Variants in KATNIP observed in about 807,000 individuals in gnomAD.
KATNIP encodes the protein katanin interacting protein.
Under a neutral mutation model 174.0 loss-of-function variants are expected in KATNIP, and 126 were observed. The observed-to-expected ratio is 0.72, with a 90% CI of 0.63 to 0.84. The LOEUF (loss-of-function observed/expected upper bound fraction) is 0.84. Among genes scored for constraint, KATNIP ranks in the 40% least tolerant of loss-of-function variants. KATNIP has a pLI of 0.00. For missense variants in KATNIP, 1,958 were observed against 2,109.7 expected (o/e 0.93, Z 1.41); for synonymous variants, 810 against 835.7 (o/e 0.97, Z 0.53).
intron 6 of KATNIP, among the ~76,000 whole-genome samples, chr16:27,648,945 G>C (rs74965628): frequency 6.6e-6 from 1 of 152,238 alleles, no homozygotes; most frequent in African/African-American, 2.4e-5. Context: ...ACCAGGGGTC[G>C]GTGAGGCTGG....
At chr16:27,598,496 T>C (rs573248967) in intron 2 of KATNIP, among the ~76,000 whole-genome samples, 2 of 152,304 alleles carry the variant, frequency 1.3e-5, no homozygotes, top group African/African-American at 4.8e-5. Flanking sequence ...TTAAGGGCCT[T>C]ATGTCACATG....
chr16:27,578,435 G>A (rs972983135), intron 2 of KATNIP, among the ~76,000 whole-genome samples: 5 of 151,962 alleles, frequency 3.3e-5, no homozygotes, highest in Non-Finnish European at 7.4e-5. Context: ...GTTCTCCACC[G>A]CTGCCACAGA....
chr16:27,674,010 G>A (rs9923875), intron 6 of KATNIP, among the ~76,000 whole-genome samples: 21,848 of 152,162 alleles, frequency 0.14, 1,629 homozygotes, highest in Middle Eastern at 0.19. Context: ...GGGTATCTGG[G>A]TGTGGTGGCT....
chr16:27,752,106 T>C (rs1040938690), intron 17 of KATNIP, among the ~76,000 whole-genome samples, 182 bp downstream of exon 17: 2 of 152,230 alleles, frequency 1.3e-5, no homozygotes, highest in African/African-American at 2.4e-5. Context: ...TCTAATTATT[T>C]TTATTTTTTT....
chr16:27,616,236 G>A (rs1192809575), intron 2 of KATNIP, among the ~76,000 whole-genome samples: 1 of 152,148 alleles, frequency 6.6e-6, no homozygotes, highest in African/African-American at 2.4e-5. Context: ...GCTGGGTGTG[G>A]TGGCACAAAC....
chr16:27,742,336 G>T, intron 15 of KATNIP, among the ~76,000 whole-genome samples: 1 of 152,298 alleles, frequency 6.6e-6, no homozygotes, highest in East Asian at 1.9e-4. Flanking sequence ...CACCCAGTGT[G>T]GCAAGGAAAG....
chr16:27,563,416 G>A (rs2089963705), intron 1 of KATNIP, among the ~76,000 whole-genome samples: 1 of 152,182 alleles, frequency 6.6e-6, no homozygotes, highest in Non-Finnish European at 1.5e-5. Flanking sequence ...CTGTGCAGGA[G>A]TCCACTTGGG....
intron 6 of KATNIP, among the ~76,000 whole-genome samples, chr16:27,665,947 A>G (rs949538765): frequency 6.6e-6 from 1 of 152,056 alleles, no homozygotes; most frequent in South Asian, 2.1e-4. Context: ...TTAGTTCTTT[A>G]TGGATGTGAT....
At chr16:27,691,077 A>C (rs1000401565) in intron 8 of KATNIP, among the ~76,000 whole-genome samples, 1 of 152,038 alleles carries the variant, frequency 6.6e-6, no homozygotes, top group East Asian at 1.9e-4. Flanking sequence ...TTGTCCTTAA[A>C]TTTCATATTC....
intron 8 of KATNIP, among the ~76,000 whole-genome samples, chr16:27,697,767 T>C (rs2078965697): frequency 6.6e-6 from 1 of 152,034 alleles, no homozygotes; most frequent in African/African-American, 2.4e-5. Flanking sequence ...CAGACATCAT[T>C]CCCCTTTACC....
chr16:27,613,946 T>C (rs2075969694), intron 2 of KATNIP, among the ~76,000 whole-genome samples: 1 of 152,136 alleles, frequency 6.6e-6, no homozygotes, highest in South Asian at 2.1e-4. Flanking sequence ...AGACAGGGTC[T>C]CACCCTGTTG....
intron 12 of KATNIP, among the ~76,000 whole-genome samples, chr16:27,706,999 C>T (rs2079335313): frequency 6.6e-6 from 1 of 152,176 alleles, no homozygotes; most frequent in Non-Finnish European, 1.5e-5. Context: ...CTGTGGGTTT[C>T]GAGGGCCCAG....
chr16:27,640,007 C>T (rs1242684854), intron 5 of KATNIP, among the ~76,000 whole-genome samples: 9 of 152,206 alleles, frequency 5.9e-5, no homozygotes, highest in Admixed American at 5.9e-4. Flanking sequence ...GGGCAGCCCC[C>T]AGCCTTGCTC....
rs1214553984 is a variant in KATNIP at position 27,596,789 on chromosome 16, G to A, written c.64-21636G>A. ...TGTAATCTCAGCACTTTGGGAGGCC[G>A]AGGCAGGTGGATCACTTGATGTCAG... On this transcript the variant is annotated intron_variant, in intron 2 of 27. Transcript: ENST00000261588. 4.6e-5 allele frequency among the ~76,000 whole-genome samples: 7 copies of A among 152,150 alleles called. No individual in the cohort carries two copies. In the South Asian group the frequency reaches 6.2e-4, roughly 13 times the overall value.
intron 6 of KATNIP, among the ~76,000 whole-genome samples, chr16:27,651,400 G>A (rs2077116721): frequency 6.6e-6 from 1 of 151,632 alleles, no homozygotes; most frequent in African/African-American, 2.4e-5. Flanking sequence ...TTCAGCAAAG[G>A]CAGAAGTCTT....
chr16:27,660,910 GTC>G (rs1331129696), intron 6 of KATNIP, among the ~76,000 whole-genome samples: 1 of 152,176 alleles, frequency 6.6e-6, no homozygotes, highest in Non-Finnish European at 1.5e-5. Context: ...TGCCTGCTGT[GTC>G]TCTTGTCCCT....
chr16:27,676,567 T>C (rs1355542850), intron 6 of KATNIP, among the ~76,000 whole-genome samples: 2 of 152,202 alleles, frequency 1.3e-5, no homozygotes, highest in East Asian at 1.9e-4. Context: ...AAAGCTTTAT[T>C]GATTGCTTCC....
chr16:27,700,989 T>C (rs1313669680), intron 10 of KATNIP, among the ~76,000 whole-genome samples: 1 of 152,024 alleles, frequency 6.6e-6, no homozygotes, highest in Non-Finnish European at 1.5e-5. Context: ...CGTCTGCAGA[T>C]GGACAGCAGG....
intron 1 of KATNIP, among the ~76,000 whole-genome samples, chr16:27,561,648 C>T (rs532972469): frequency 6.6e-6 from 1 of 152,306 alleles, no homozygotes; most frequent in South Asian, 2.1e-4. Flanking sequence ...CTGCAGGGCC[C>T]ACCACATTTT....
Sources: allele counts gnomAD v4.1 joint callset (sites outside exome capture counted in the v4.1 genomes callset), GRCh38; gene constraint gnomAD v4.1.1; transcripts MANE v1.5; gene names NCBI Gene and HGNC (gene_info 2026-07-23, HGNC 2026-07-21).